DENND2C: variants seen among roughly 807,000 people sequenced by gnomAD.
The protein encoded by DENND2C is DENN domain containing 2C, also known as DENN domain-containing protein 2C.
DENND2C carries 72 observed loss-of-function variants against 112.4 expected under a neutral mutation model. The ratio of observed to expected loss-of-function variants is 0.64; its 90% CI spans 0.53 to 0.78. DENND2C has a LOEUF of 0.78. Ranked by LOEUF, DENND2C falls within the 30% of genes least tolerant of loss-of-function variation. The pLI, the probability that DENND2C is intolerant of heterozygous loss-of-function variation, is 0.00. For synonymous variants in DENND2C, 329 were observed against 381.6 expected (o/e 0.86, Z 1.61); for missense variants, 992 against 1,113.8 (o/e 0.89, Z 1.56).
chr1:114,586,857 GC>G, intron 20 of DENND2C: 1 of 151,704 alleles, frequency 6.6e-6, no homozygotes. Context: ...TCAGCCTCCT[GC>G]GTAGCTAGAA....
chr1:114,607,088 T>A (rs896368751), intron 10 of DENND2C, among the ~76,000 whole-genome samples: 13 of 151,842 alleles, frequency 8.6e-5, no homozygotes, highest in African/African-American at 2.9e-4. Flanking sequence ...AGTCACTGAG[T>A]AGGGGTGGAA....
chr1:114,607,669 T>C (rs1045042729), intron 10 of DENND2C, among the ~76,000 whole-genome samples: 1 of 152,088 alleles, frequency 6.6e-6, no homozygotes, highest in African/African-American at 2.4e-5. Flanking sequence ...CTGGCAAATA[T>C]TAGGTATTTT....
intron 4 of DENND2C, among the ~76,000 whole-genome samples, chr1:114,624,482 A>G (rs1008427522): frequency 1.3e-5 from 2 of 151,144 alleles, no homozygotes; most frequent in African/African-American, 4.9e-5. Context: ...TTTTTTATAG[A>G]GACAGGGTCT....
At chr1:114,645,085 T>A (rs1656940923) in intron 3 of DENND2C, among the ~76,000 whole-genome samples, 1 of 152,188 alleles carries the variant, frequency 6.6e-6, no homozygotes. Flanking sequence ...ATATTTTGAG[T>A]AAGAGCAATG....
At chr1:114,654,030 T>C (rs1041909846) in intron 2 of DENND2C, among the ~76,000 whole-genome samples, 3 of 152,188 alleles carry the variant, frequency 2.0e-5, no homozygotes, top group Non-Finnish European at 4.4e-5. Flanking sequence ...TAAGAATAAA[T>C]AGAATTTATA....
intron 1 of DENND2C, among the ~76,000 whole-genome samples, chr1:114,656,550 C>T (rs1657333844): frequency 6.6e-6 from 1 of 151,730 alleles, no homozygotes; most frequent in African/African-American, 2.4e-5. Context: ...GCATGCACCA[C>T]CACGCCCAGC....
At chr1:114,595,579 G>A (rs1265931038) in intron 17 of DENND2C, 3 of 396,148 alleles carry the variant, frequency 7.6e-6, no homozygotes, top group East Asian at 9.0e-5. Flanking sequence ...GGAGTTGAAG[G>A]GTGGTTTTAC....
Position 114,594,508 on chromosome 1 carries a change from T to C in DENND2C, c.2396A>G (p.Asn799Ser). The C allele has an allele frequency of 6.2e-7, 1 of 1,614,066 alleles. No individual in the cohort carries two copies. The highest frequency in any genetic ancestry group is 1.1e-5 in the South Asian group (1 of 91,080). Residue 799 changes from asparagine (N) to serine (S), a missense_variant, in exon 18 of 21, where the codon AAT becomes AGT. Around this residue, in one of 3 missense-constraint regions of DENND2C, gnomAD observed 516 missense variants for 623.6 expected, o/e 0.83. Transcript: ENST00000393274. Reference sequence around the variant, plus strand: ...ATTCTGCTCCTGAGTCAAGATTTCATTTCGTTCTTCCAAAATCTGCATCAG... The same window carrying C: ...ATTCTGCTCCTGAGTCAAGATTTCACTTCGTTCTTCCAAAATCTGCATCAG... ...AALMQILEER[N>S]EILTQEQNFS...
Position 114,626,090 on chromosome 1 carries a change from T to C in DENND2C, c.-106A>G. 3.4e-6 allele frequency: 4 copies of C among 1,180,428 alleles called. No individual in the cohort carries two copies. Among genetic ancestry groups the C allele is most frequent in the Non-Finnish European group, 4.7e-6 (4 of 857,864 alleles). 73.1% of individuals were successfully genotyped at this position (1,180,428 alleles called of 1,614,324 possible). A position where few individuals can be genotyped will look rare whatever the true frequency, so the allele number is the denominator to read the frequency against. Reference sequence around the variant, plus strand: ...CCTGTCAGAATCCAAATGATTCCAGTATTTTCCCTTCATGTTTAACTTGTA... The same window carrying C: ...CCTGTCAGAATCCAAATGATTCCAGCATTTTCCCTTCATGTTTAACTTGTA... On this transcript the variant is annotated 5_prime_UTR_variant, in exon 4 of 21. The change creates a new upstream start codon in the 5' untranslated region. Transcript: ENST00000393274.
chr1:114,628,917 A>G (rs1300564960), intron 3 of DENND2C, among the ~76,000 whole-genome samples: 1 of 152,174 alleles, frequency 6.6e-6, no homozygotes, highest in Non-Finnish European at 1.5e-5. Flanking sequence ...TGCTGGCCCA[A>G]CTTTCAAATC....
chr1:114,612,520 ATTT>A (rs1158221276), intron 8 of DENND2C, among the ~76,000 whole-genome samples: 4 of 125,752 alleles, frequency 3.2e-5, no homozygotes, highest in Admixed American at 7.9e-5. Context: ...CACCCAGCTA[ATTT>A]TTTTTTTTTT....
intron 3 of DENND2C, among the ~76,000 whole-genome samples, chr1:114,630,785 C>T (rs1656468873): frequency 6.6e-6 from 1 of 152,142 alleles, no homozygotes; most frequent in African/African-American, 2.4e-5. Flanking sequence ...AGACAACAAA[C>T]AACTAGTGGA....
At chr1:114,603,172 ACTCTGTCGCCCAGGCTG>A (rs1655563864) in intron 11 of DENND2C, among the ~76,000 whole-genome samples, 1 of 150,344 alleles carries the variant, frequency 6.7e-6, no homozygotes, top group Non-Finnish European at 1.5e-5. Context: ...ACGGAGTCTC[ACTCTGTCGCCCAGGCTG>A]GAGTGCAGTG....
intron 3 of DENND2C, among the ~76,000 whole-genome samples, chr1:114,643,045 G>A (rs1009064366): frequency 4.6e-5 from 7 of 152,156 alleles, no homozygotes; most frequent in Admixed American, 1.3e-4. Flanking sequence ...TCTTTGCCAT[G>A]ACCTCAAGAC....
chr1:114,622,389 T>C (rs568858655), intron 6 of DENND2C, among the ~76,000 whole-genome samples: 1 of 152,260 alleles, frequency 6.6e-6, no homozygotes, highest in African/African-American at 2.4e-5. Flanking sequence ...GTTCTGGGAT[T>C]ACAGGTGTGA....
At chr1:114,605,235 T>C (rs1655628473) in intron 10 of DENND2C, among the ~76,000 whole-genome samples, 2 of 152,190 alleles carry the variant, frequency 1.3e-5, no homozygotes, top group South Asian at 4.1e-4. Context: ...ACAGAGTTAC[T>C]AAGAAAAAAG....
intron 1 of DENND2C, among the ~76,000 whole-genome samples, chr1:114,668,777 T>C (rs1237055591): frequency 1.3e-5 from 2 of 152,200 alleles, no homozygotes; most frequent in Admixed American, 6.5e-5. Flanking sequence ...TATGGCTATA[T>C]ATTAACAATA....
chr1:114,638,488 G>C (rs1393150593), intron 3 of DENND2C, among the ~76,000 whole-genome samples: 1 of 152,170 alleles, frequency 6.6e-6, no homozygotes, highest in African/African-American at 2.4e-5. Flanking sequence ...GCTGGGTGCA[G>C]TGGCTCACAC....
intron 16 of DENND2C, among the ~76,000 whole-genome samples, chr1:114,598,835 C>T (rs1306015273): frequency 6.6e-6 from 1 of 152,144 alleles, no homozygotes; most frequent in African/African-American, 2.4e-5. Context: ...GCATGTACCA[C>T]CATGCCTCGC....
Sources: gnomAD v4.1 joint callset for allele counts (sites outside exome capture counted in the v4.1 genomes callset) on GRCh38, gnomAD v4.1.1 for gene constraint, gnomAD v4.1.1 regional missense constraint, MANE v1.5 for transcripts, NCBI Gene and HGNC (gene_info 2026-07-23, HGNC 2026-07-21) for gene names.